Variants in GRB2 observed in about 807,000 individuals in gnomAD.
The protein encoded by GRB2 is growth factor receptor bound protein 2.
Under a neutral mutation model 27.4 loss-of-function variants are expected in GRB2, and 2 were observed. That is an observed-to-expected ratio of 0.07 (90% CI 0.03 to 0.23). The LOEUF is 0.23. GRB2 is among the 10% of genes least tolerant of loss of function. GRB2 has a pLI of 1.00. For missense variants in GRB2, 102 were observed against 282.4 expected (o/e 0.36, Z 4.58); for synonymous variants, 94 against 99.6 (o/e 0.94, Z 0.33).
intron 3 of GRB2, among the ~76,000 whole-genome samples, chr17:75,329,958 C>T (rs145115619): frequency 9.1e-4 from 138 of 152,300 alleles, no homozygotes; most frequent in Middle Eastern, 3.4e-3. Flanking sequence ...TGACTACATG[C>T]TTACGGGTGA....
intron 2 of GRB2, 139 bp downstream of exon 2, chr17:75,393,412 G>T: frequency 1.4e-6 from 1 of 739,376 alleles, no homozygotes; most frequent in Non-Finnish European, 2.4e-6. Context: ...AGCATCTAAA[G>T]CTCTCCAGAA....
chr17:75,386,662 C>T (rs2078965525), intron 2 of GRB2, among the ~76,000 whole-genome samples: 1 of 152,116 alleles, frequency 6.6e-6, no homozygotes, highest in South Asian at 2.1e-4. Context: ...GGAAGCAATG[C>T]CAGGCAGCTG....
At chr17:75,393,055 T>A (rs1189964193) in intron 2 of GRB2, among the ~76,000 whole-genome samples, 2 of 152,250 alleles carry the variant, frequency 1.3e-5, no homozygotes, top group African/African-American at 4.8e-5. Context: ...AGTTCTTTAA[T>A]GAGTTTTGGT....
chr17:75,371,627 A>C (rs2078857300), intron 2 of GRB2: 1 of 152,132 alleles, frequency 6.6e-6, no homozygotes, highest in African/African-American at 2.4e-5. Context: ...AGGGAAAAGA[A>C]GAACACCCAG....
intron 2 of GRB2, among the ~76,000 whole-genome samples, chr17:75,338,083 C>T (rs2217805): frequency 0.16 from 23,695 of 151,770 alleles, 2,804 homozygotes; most frequent in East Asian, 0.55. Flanking sequence ...GCACCCGCCA[C>T]CACGCCTGGC....
intron 2 of GRB2, chr17:75,372,618 TTCTGCATATGTCCTATATCTGTAC>T (rs2078863289): frequency 6.6e-6 from 1 of 152,226 alleles, no homozygotes; most frequent in Non-Finnish European, 1.5e-5. Context: ...CAATGATAAT[TTCTGCATATGTCCTATATCTGTAC>T]TGTCCAATAC....
intron 2 of GRB2, among the ~76,000 whole-genome samples, chr17:75,365,568 A>ATGGATTGCT (rs1240660870): frequency 6.6e-6 from 1 of 152,212 alleles, no homozygotes; most frequent in Non-Finnish European, 1.5e-5. Flanking sequence ...TGTGGTAGTA[A>ATGGATTGCT]TGGATTGCTT....
rs950981028 is a variant in GRB2 at position 75,404,739 on chromosome 17, G to C, written c.-138+750C>G. On this transcript the variant is annotated intron_variant, in intron 1 of 5. Coordinates refer to ENST00000316804, the MANE Select transcript of GRB2 (RefSeq NM_002086.5). ...AAGTCAACAGCATCAAAAAGAGACAGACCTCAAGTGCACTTCAGTCCCCTG... is the reference window on the plus strand; with the variant it reads ...AAGTCAACAGCATCAAAAAGAGACACACCTCAAGTGCACTTCAGTCCCCTG... The C allele has an allele frequency of 7.2e-5, 11 of 152,266 alleles. No individual in the cohort carries two copies. The East Asian group carries it at 1.9e-3, about 27-fold the overall frequency. The allele number at this position is 152,266 out of a possible 1,614,324, so 9.4% of individuals were successfully genotyped here.
chr17:75,325,431 C>G (rs1426354113), intron 4 of GRB2, among the ~76,000 whole-genome samples: 1 of 152,222 alleles, frequency 6.6e-6, no homozygotes, highest in Non-Finnish European at 1.5e-5. Flanking sequence ...CCCTTTCACA[C>G]CTGAACTTTC....
Position 75,325,891 on chromosome 17 carries a change from T to A in GRB2, c.299+7A>T, listed in dbSNP as rs1478829878. The A allele has an allele frequency of 6.2e-7, 1 of 1,613,232 alleles. No homozygotes were observed. The highest frequency in any genetic ancestry group is 1.3e-5 in the African/African-American group (1 of 74,850). ...GATTCCAGGCAACTGCAGCAGGAAA[T>A]ACTTACTTGACAGAGAGGGAGAAGT... On this transcript the variant is annotated splice_region_variant and intron_variant, in intron 4 of 5. Transcript: ENST00000316804.
At chr17:75,359,516 TAATAATA>T (rs2078764766) in intron 2 of GRB2, among the ~76,000 whole-genome samples, 1 of 149,974 alleles carries the variant, frequency 6.7e-6, no homozygotes, top group Non-Finnish European at 1.5e-5. Flanking sequence ...AAAATAATAA[TAATAATA>T]AATAATAATA....
At chr17:75,355,912 C>A (rs1256344818) in intron 2 of GRB2, among the ~76,000 whole-genome samples, 1 of 149,932 alleles carries the variant, frequency 6.7e-6, no homozygotes, top group Non-Finnish European at 1.5e-5. Context: ...CTTACTGCAA[C>A]CTTCGCCTCC....
chr17:75,384,863 G>A lies in GRB2; in HGVS notation c.78+8688C>T, dbSNP rs189958529. Among the ~76,000 whole-genome samples, 57 of 150,582 alleles carry A rather than the reference G, an allele frequency of 3.8e-4. No individual in the cohort carries two copies. The East Asian group carries it at 0.01, about 27-fold the overall frequency. On this transcript the variant is annotated intron_variant, in intron 2 of 5. Coordinates refer to ENST00000316804, the MANE Select transcript of GRB2 (RefSeq NM_002086.5). The stretch of plus-strand genomic sequence containing the variant: ...AAAAGACAGCAATTTTTCCTAAATG[G>A]CCTCTCTCTCTAGTTTGACCTCATT...
chr17:75,327,232 C>T lies in GRB2; in HGVS notation c.177-1212G>A, dbSNP rs550947203. Among the ~76,000 whole-genome samples the T allele has an allele frequency of 2.0e-5, 3 of 151,870 alleles. No homozygotes were observed. The South Asian group carries it at 6.2e-4, about 32-fold the overall frequency. On this transcript the variant is annotated intron_variant, in intron 3 of 5. Coordinates refer to ENST00000316804, the MANE Select transcript of GRB2 (RefSeq NM_002086.5). ...TGGGACTATACATAGGCGCCCGCCA[C>T]CATGCCCGGCTAATATTTTGTATTT...
At chr17:75,389,820 G>A (rs2078987393) in intron 2 of GRB2, among the ~76,000 whole-genome samples, 1 of 152,010 alleles carries the variant, frequency 6.6e-6, no homozygotes, top group Non-Finnish European at 1.5e-5. Context: ...ACTCCAGCCT[G>A]GGTGACAGAG....
At chr17:75,330,312 T>C (rs1014806047) in intron 3 of GRB2, among the ~76,000 whole-genome samples, 1 of 150,280 alleles carries the variant, frequency 6.7e-6, no homozygotes, top group Admixed American at 6.7e-5. Flanking sequence ...AACCAGGGAG[T>C]TGGGGGTTGC....
intron 2 of GRB2, among the ~76,000 whole-genome samples, chr17:75,358,896 A>C: frequency 1.5e-5 from 1 of 67,896 alleles, no homozygotes; most frequent in South Asian, 5.7e-4. Context: ...AAAAAAAAAA[A>C]AATTATATAT....
intron 2 of GRB2, among the ~76,000 whole-genome samples, chr17:75,337,893 TACTACTAC>T (rs1189045588): frequency 6.2e-5 from 8 of 128,266 alleles, no homozygotes; most frequent in South Asian, 2.6e-4. Flanking sequence ...CTACTACTAC[TACTACTAC>T]TATTATTATT....
rs11464562 is a variant in GRB2, at chr17:75,375,387, G to GAA, written c.78+18162_78+18163dup. On this transcript the variant is annotated intron_variant, in intron 2 of 5. Transcript: ENST00000316804. Reference sequence around the variant, plus strand: ...AAATCCATTTGAACACAATCTTCAGGAAAAAAAAAAGAGAGAAAGTAATTA... The same window carrying GAA: ...AAATCCATTTGAACACAATCTTCAGGAAAAAAAAAAAAGAGAGAAAGTAATTA... Among the ~76,000 whole-genome samples the GAA allele has an allele frequency of 2.0e-3, 296 of 147,606 alleles. 8 individuals are homozygous for GAA. The South Asian group carries it at 0.049, about 24-fold the overall frequency.
Sources: gnomAD v4.1 joint callset for allele counts (sites outside exome capture counted in the v4.1 genomes callset) on GRCh38, gnomAD v4.1.1 for gene constraint, MANE v1.5 for transcripts, NCBI Gene and HGNC (gene_info 2026-07-23, HGNC 2026-07-21) for gene names.